Variants in FAR1 observed in about 807,000 individuals in gnomAD.
FAR1 encodes male sterility domain-containing protein 2.
In FAR1, 22 loss-of-function variants were observed where a neutral mutation model predicts 61.1. That is an observed-to-expected ratio of 0.36 (90% confidence interval 0.26 to 0.51). FAR1 has a LOEUF of 0.51. Among genes scored for constraint, FAR1 ranks in the 20% least tolerant of loss-of-function variants. The pLI, the probability that FAR1 is intolerant of heterozygous loss-of-function variation, is 0.95. For missense variants in FAR1, 359 were observed against 626.9 expected (o/e 0.57, Z 4.56); for synonymous variants, 206 against 209.7 (o/e 0.98, Z 0.15).
At chr11:13,677,441 G>T (rs753989455) in intron 1 of FAR1, among the ~76,000 whole-genome samples, 2 of 152,178 alleles carry the variant, frequency 1.3e-5, no homozygotes, top group African/African-American at 4.8e-5. Context: ...ACTAGGAAAA[G>T]ATTTTTGAGA....
chr11:13,719,714 A>C lies in FAR1; in HGVS notation c.1128-2016A>C, dbSNP rs567051929. 2.6e-5 allele frequency among the ~76,000 whole-genome samples: 4 copies of C among 152,302 alleles called. No homozygotes were observed. In the East Asian group the frequency reaches 7.7e-4, roughly 29 times the overall value. On this transcript the variant is annotated intron_variant, in intron 9 of 11. Transcript: ENST00000354817. ...TTTGCAGGTATTTTTAGTTATCACAACAGGGGGAGGGCTGCTACCAGCACC... is the reference window on the plus strand; with the variant it reads ...TTTGCAGGTATTTTTAGTTATCACACCAGGGGGAGGGCTGCTACCAGCACC...
At chr11:13,675,217 G>T (rs555151835) in intron 1 of FAR1, among the ~76,000 whole-genome samples, 6 of 152,210 alleles carry the variant, frequency 3.9e-5, no homozygotes, top group Admixed American at 3.9e-4. Flanking sequence ...CTACTGTAGG[G>T]CAGGGATAAT....
chr11:13,672,862 C>T (rs964540794), intron 1 of FAR1, among the ~76,000 whole-genome samples: 1 of 152,140 alleles, frequency 6.6e-6, no homozygotes, highest in Non-Finnish European at 1.5e-5. Context: ...CACTTGTTTT[C>T]TTAGAGTTTA....
chr11:13,712,852 TAGTATAGAAA>T, intron 7 of FAR1, 104 bp from the exon 8 acceptor site: 1 of 634,474 alleles, frequency 1.6e-6, no homozygotes, highest in Non-Finnish European at 2.6e-6. Flanking sequence ...TAAAAAAAAA[TAGTATAGAAA>T]AGGTGCCCAT....
intron 1 of FAR1, among the ~76,000 whole-genome samples, chr11:13,689,912 G>A (rs1191572113): frequency 8.0e-6 from 1 of 125,060 alleles, no homozygotes; most frequent in Non-Finnish European, 1.6e-5. Context: ...GTCTTGCTCT[G>A]TCGGCCAGGC....
At position 13,727,646 on chromosome 11, in the gene FAR1, A is replaced by G. The variant is rs1455446817; in HGVS notation, c.1348A>G (p.Met450Val). 6.2e-7 allele frequency: 1 copy of G among 1,610,258 alleles called. No homozygotes were observed. Among genetic ancestry groups the G allele is most frequent in the Non-Finnish European group, 8.5e-7 (1 of 1,177,610 alleles). Residue 450 changes from methionine to valine, a missense_variant, in exon 11 of 12, where the codon ATG becomes GTG. Met to Val is a conservative substitution (Grantham distance 21). Coordinates refer to ENST00000354817, the MANE Select transcript of FAR1 (RefSeq NM_032228.6). ...GTKKYVLNEE[M>V]SGLPAARKHL... ...TAAGAAGTACGTATTGAATGAAGAA[A>G]TGTCTGGCCTCCCTGCAGCCAGAAA...
chr11:13,714,490 C>G lies in FAR1; in HGVS notation c.956-19C>G. 1 of 1,588,654 alleles carries G rather than the reference C, an allele frequency of 6.3e-7. No individual in the cohort carries two copies. Among genetic ancestry groups the G allele is most frequent in the African/African-American group, 1.4e-5 (1 of 73,244 alleles). On this transcript the variant is annotated intron_variant, in intron 8 of 11. Coordinates refer to ENST00000354817, the MANE Select transcript of FAR1 (RefSeq NM_032228.6). ...TACATGGTTATTATCAAAGCTGTTA[C>G]ACAACTTTTCTTCTTCAGAGTACCA...
chr11:13,728,583 T>G (rs1341629342), intron 11 of FAR1, 29 bp from the exon 12 acceptor site: 8 of 1,599,252 alleles, frequency 5.0e-6, no homozygotes, highest in Non-Finnish European at 6.8e-6. Context: ...GAAAATACTG[T>G]CTAACATATC....
intron 2 of FAR1, among the ~76,000 whole-genome samples, chr11:13,697,089 C>T (rs1007893733): frequency 6.6e-6 from 1 of 152,118 alleles, no homozygotes; most frequent in Non-Finnish European, 1.5e-5. Flanking sequence ...ACCAAAATCA[C>T]CCCTGGTCAA....
At chr11:13,708,480 C>CACACACAT (rs1250984773) in intron 4 of FAR1, among the ~76,000 whole-genome samples, 1 of 124,604 alleles carries the variant, frequency 8.0e-6, no homozygotes, top group South Asian at 2.8e-4. Context: ...CACACACATA[C>CACACACAT]ATTTATCTCT....
At chr11:13,708,761 C>T (rs942950052) in intron 4 of FAR1, among the ~76,000 whole-genome samples, 2 of 152,074 alleles carry the variant, frequency 1.3e-5, no homozygotes, top group African/African-American at 2.4e-5. Context: ...CACCACCCCC[C>T]AGCCATGGAG....
intron 10 of FAR1, among the ~76,000 whole-genome samples, chr11:13,725,739 AT>A (rs1298932139): frequency 1.3e-5 from 2 of 152,040 alleles, no homozygotes; most frequent in African/African-American, 4.8e-5. Flanking sequence ...TCTTTTAGAT[AT>A]GTCTTTTGTA....
intron 1 of FAR1, among the ~76,000 whole-genome samples, chr11:13,679,345 G>A (rs187356043): frequency 6.2e-4 from 95 of 152,128 alleles, no homozygotes; most frequent in African/African-American, 2.1e-3. Context: ...TATGACTTAC[G>A]GGAATTACTT....
chr11:13,698,616 G>A (rs1008901589), intron 2 of FAR1, among the ~76,000 whole-genome samples: 3 of 151,990 alleles, frequency 2.0e-5, no homozygotes, highest in Non-Finnish European at 4.4e-5. Flanking sequence ...GGATCATGAG[G>A]TCAGGAGATC....
intron 3 of FAR1, among the ~76,000 whole-genome samples, chr11:13,700,791 G>A (rs1848362341): frequency 6.6e-6 from 1 of 152,026 alleles, no homozygotes; most frequent in Admixed American, 6.5e-5. Flanking sequence ...AATAGTGTTT[G>A]TCTTCTCTTT....
chr11:13,691,722 A>T (rs1222451999), intron 1 of FAR1, among the ~76,000 whole-genome samples: 4 of 152,200 alleles, frequency 2.6e-5, no homozygotes, highest in African/African-American at 9.6e-5. Context: ...TTTATGGCTC[A>T]GTAGTATTCC....
rs749682214 is a variant in FAR1 at position 13,714,579 on chromosome 11, A to G, written c.1026A>G (p.Leu342=). ...EQAFRRPNVN[L]TSNHLLYHYW... is the part of the protein sequence containing the mutation. The stretch of plus-strand genomic sequence containing the variant: ...CCTTCAGACGGCCCAATGTAAATCT[A>G]ACCTCCAATCATCTTTTATATCATT... Residue 342 remains leucine (L), a synonymous_variant, in exon 9 of 12, where the codon CTA becomes CTG. Transcript: ENST00000354817. 1.2e-6 allele frequency: 2 copies of G among 1,613,574 alleles called. No individual in the cohort carries two copies. Among genetic ancestry groups the G allele is most frequent in the African/African-American group, 2.7e-5 (2 of 75,000 alleles).
chr11:13,728,577 A>C, intron 11 of FAR1, 35 bp from the exon 12 acceptor site: 1 of 1,575,324 alleles, frequency 6.3e-7, no homozygotes. Flanking sequence ...TTTCTAGAAA[A>C]TACTGTCTAA....
At chr11:13,711,645 T>A (rs1848499626) in intron 5 of FAR1, 119 bp from the exon 6 acceptor site, 1 of 766,998 alleles carries the variant, frequency 1.3e-6, no homozygotes, top group African/African-American at 1.8e-5. Context: ...TCTAGTCTGT[T>A]TTTTAGTTTT....
Sources: allele counts gnomAD v4.1 joint callset (sites outside exome capture counted in the v4.1 genomes callset), GRCh38; gene constraint gnomAD v4.1.1; transcripts MANE v1.5; gene names NCBI Gene and HGNC (gene_info 2026-07-23, HGNC 2026-07-21).